The following APBA1 variants were observed in gnomAD, a reference collection of about 807,000 sequenced individuals.
APBA1 encodes the protein amyloid-beta A4 precursor protein-binding family A member 1.
Under a neutral mutation model 86.6 loss-of-function variants are expected in APBA1, and 55 were observed. The observed-to-expected ratio is 0.64, with a 90% confidence interval of 0.51 to 0.80. APBA1 has a LOEUF of 0.80. Among genes scored for constraint, APBA1 ranks in the 30% least tolerant of loss-of-function variants. The probability of loss-of-function intolerance (pLI) is 0.00; values close to 1 mark genes in which losing one functional copy is unlikely to be tolerated. For missense variants in APBA1, 1,090 were observed against 1,183.0 expected, an observed-to-expected ratio of 0.92 and a Z score of 1.15; for synonymous variants, 511 against 493.9, an observed-to-expected ratio of 1.03 and a Z score of -0.46.
At chr9:69,534,471 A>G (rs1405598831) in intron 1 of APBA1, among the ~76,000 whole-genome samples, 3 of 152,218 alleles carry the variant, frequency 2.0e-5, no homozygotes, top group Non-Finnish European at 4.4e-5. Flanking sequence ...CCCAAAAGAT[A>G]TCAGAATCTC....
At chr9:69,447,346 C>T (rs1287527079) in intron 10 of APBA1, among the ~76,000 whole-genome samples, 1 of 152,202 alleles carries the variant, frequency 6.6e-6, no homozygotes. Context: ...TAACCAGCTT[C>T]CCTCTCTCAT....
At chr9:69,652,534 C>A (rs1011324937) in intron 1 of APBA1, among the ~76,000 whole-genome samples, 1 of 151,918 alleles carries the variant, frequency 6.6e-6, no homozygotes, top group African/African-American at 2.4e-5. Context: ...CACTTAGCCA[C>A]AAAGACAGTA....
At chr9:69,656,427 AT>A (rs1359670073) in intron 1 of APBA1, among the ~76,000 whole-genome samples, 1 of 152,268 alleles carries the variant, frequency 6.6e-6, no homozygotes, top group East Asian at 1.9e-4. Flanking sequence ...TGAATCATGA[AT>A]TAATCTCTAC....
In APBA1 at chr9:69,658,282, TTC is replaced by T. The variant is rs748330338; in HGVS notation, c.-70+13869_-70+13870del. Among the ~76,000 whole-genome samples, 321 of 39,816 alleles carry T rather than the reference TTC, an allele frequency of 8.1e-3. 16 individuals are homozygous for T. The East Asian group carries it at 0.18, about 23-fold the overall frequency. The allele number at this position is 39,816 out of a possible 152,430, so 26.1% of individuals were successfully genotyped here. A position where few individuals can be genotyped will look rare whatever the true frequency, so the allele number is the denominator to read the frequency against. On this transcript the variant is annotated intron_variant, in intron 1 of 12. Coordinates refer to ENST00000265381, the MANE Select transcript of APBA1 (RefSeq NM_001163.4). ...TTTCTTTCTTTCTTTCTTTCTTTCT[TTC>T]TCTCTCTCTTTCTCTCTCTCTCTTT...
At chr9:69,435,050 T>A (rs958890675) in intron 11 of APBA1, among the ~76,000 whole-genome samples, 6 of 149,912 alleles carry the variant, frequency 4.0e-5, no homozygotes, top group Non-Finnish European at 7.4e-5. Context: ...GCAGTGTTGG[T>A]TTTTTGTCCT....
At chr9:69,558,549 C>T (rs1183530096) in intron 1 of APBA1, among the ~76,000 whole-genome samples, 9 of 132,802 alleles carry the variant, frequency 6.8e-5, no homozygotes, top group African/African-American at 2.6e-4. Context: ...CACACATACA[C>T]ACACACACAC....
intron 1 of APBA1, among the ~76,000 whole-genome samples, chr9:69,647,230 A>G (rs749142141): frequency 1.3e-5 from 2 of 152,198 alleles, no homozygotes; most frequent in Admixed American, 6.5e-5. Context: ...GAAAGCAGAC[A>G]CTGTTCAAGC....
intron 1 of APBA1, among the ~76,000 whole-genome samples, chr9:69,584,202 T>C (rs1821972605): frequency 6.6e-6 from 1 of 152,192 alleles, no homozygotes; most frequent in Non-Finnish European, 1.5e-5. Context: ...TATGTTTCCA[T>C]CCATATGTGT....
chr9:69,527,145 A>G (rs2133902253), intron 1 of APBA1, among the ~76,000 whole-genome samples: 1 of 152,162 alleles, frequency 6.6e-6, no homozygotes, highest in Admixed American at 6.6e-5. Context: ...TTTGAGTGAT[A>G]GTATCAGTCA....
In APBA1 at chr9:69,440,329, A is replaced by T. The variant is rs1302038529; in HGVS notation, c.2301+667T>A. ...CAAAGCTGTCAGACAGGGACATTTA[A>T]GTCTGTAGAGGTTACTGCTGCCTTT... On this transcript the variant is annotated intron_variant, in intron 11 of 12. Coordinates refer to ENST00000265381, the MANE Select transcript of APBA1 (RefSeq NM_001163.4). 2.6e-5 allele frequency among the ~76,000 whole-genome samples: 4 copies of T among 152,326 alleles called. 1 individual carries two copies. The South Asian group carries it at 8.3e-4, about 32-fold the overall frequency.
chr9:69,456,908 C>CT (rs1835107620), intron 7 of APBA1, 145 bp downstream of exon 7: 1 of 643,142 alleles, frequency 1.6e-6, no homozygotes, highest in Non-Finnish European at 2.6e-6. Flanking sequence ...GCAGCAGGCA[C>CT]TGTGAACACC....
chr9:69,458,546 G>T (rs775119954), intron 5 of APBA1, among the ~76,000 whole-genome samples: 4 of 151,926 alleles, frequency 2.6e-5, no homozygotes, highest in Non-Finnish European at 5.9e-5. Context: ...ACTTTCTTTG[G>T]GTTTAATTTG....
rs1301704410 is a variant in APBA1 at position 69,495,671 on chromosome 9, T to C, written c.1201-19528A>G. Among the ~76,000 whole-genome samples, 4 of 152,060 alleles carry C rather than the reference T, an allele frequency of 2.6e-5. No individual in the cohort carries two copies. The East Asian group carries it at 5.8e-4, about 22-fold the overall frequency. On this transcript the variant is annotated intron_variant, in intron 2 of 12. Coordinates refer to ENST00000265381, the MANE Select transcript of APBA1 (RefSeq NM_001163.4). ...CCCCTTCTGGCAGCAGCACCTACTA[T>C]TTCTGGAGAAAATAAACTCGGCTCT...
At chr9:69,651,380 A>T (rs1381830035) in intron 1 of APBA1, among the ~76,000 whole-genome samples, 1 of 152,192 alleles carries the variant, frequency 6.6e-6, no homozygotes, top group Admixed American at 6.5e-5. Context: ...CAAGCTGTAC[A>T]CTTAAAGATT....
chr9:69,598,132 T>C (rs1822269073), intron 1 of APBA1, among the ~76,000 whole-genome samples: 1 of 151,962 alleles, frequency 6.6e-6, no homozygotes. Context: ...ATGTCCTTTG[T>C]AGGGACATGG....
At chr9:69,498,974 G>A (rs1835841391) in intron 2 of APBA1, among the ~76,000 whole-genome samples, 1 of 152,100 alleles carries the variant, frequency 6.6e-6, no homozygotes, top group South Asian at 2.1e-4. Context: ...ATCCTTTTCT[G>A]AGGTCTGCCT....
intron 1 of APBA1, among the ~76,000 whole-genome samples, chr9:69,524,947 G>T (rs929125500): frequency 3.3e-5 from 5 of 152,082 alleles, no homozygotes; most frequent in Non-Finnish European, 5.9e-5. Context: ...AATAAATGTG[G>T]ATCACCACAT....
In APBA1 at chr9:69,516,254, C is replaced by G. The variant is rs1836143180; in HGVS notation, c.957G>C (p.Pro319=). 7.2e-7 allele frequency: 1 copy of G among 1,380,928 alleles called. No individual in the cohort carries two copies. The highest frequency in any genetic ancestry group is 9.3e-7 in the Non-Finnish European group (1 of 1,072,136). The allele number at this position is 1,380,928 out of a possible 1,614,324, so 85.5% of individuals were successfully genotyped here. Residue 319 remains proline (P), a synonymous_variant, in exon 2 of 13, where the codon CCG becomes CCC. Coordinates refer to ENST00000265381, the MANE Select transcript of APBA1 (RefSeq NM_001163.4). This position sits in a 1 kb window ranked among gnomAD's most constrained non-coding sequence, Gnocchi z 7.3. ...GGCCCACCGCCCGCTGCTGCCCCGC[C>G]GGCGCCTGCAGCCCGGGGCTGTCGG... ...GRPDSPGLQA[P]AGQQRAVGPA...
intron 1 of APBA1, among the ~76,000 whole-genome samples, chr9:69,630,357 C>T (rs771381241): frequency 6.6e-6 from 1 of 152,148 alleles, no homozygotes. Flanking sequence ...ATTGCTCCCC[C>T]TCTCTGCTAC....
Sources: allele counts gnomAD v4.1 joint callset (sites outside exome capture counted in the v4.1 genomes callset), GRCh38; gene constraint gnomAD v4.1.1; non-coding constraint Gnocchi (gnomAD v3.1); transcripts MANE v1.5; gene names NCBI Gene and HGNC (gene_info 2026-07-23, HGNC 2026-07-21).